LRIT3: variants seen among roughly 807,000 people sequenced by gnomAD.
The protein encoded by LRIT3 is leucine rich repeat, Ig-like and transmembrane domains 3, also known as leucine-rich repeat, immunoglobulin-like domain and transmembrane domain-containing protein 3.
Under a neutral mutation model 22.6 loss-of-function variants are expected in LRIT3, and 14 were observed. The ratio of observed to expected loss-of-function variants is 0.62; its 90% confidence interval spans 0.41 to 0.97. The LOEUF (loss-of-function observed/expected upper bound fraction) is 0.97, where lower values mean the gene tolerates loss of function less well. LRIT3 is among the 50% of genes least tolerant of loss of function. The pLI is 0.00. For missense variants in LRIT3, 783 were observed against 803.0 expected, an observed-to-expected ratio of 0.98 and a Z score of 0.30; for synonymous variants, 306 against 304.5, an observed-to-expected ratio of 1.01 and a Z score of -0.05.
chr4:109,869,931 ATCT>A lies in LRIT3; in HGVS notation c.1187_1189del (p.Ser396del), dbSNP rs794727660. On this transcript the variant is annotated inframe_deletion, in exon 4 of 4. Coordinates refer to ENST00000594814, the MANE Select transcript of LRIT3 (RefSeq NM_198506.5). Reference sequence around the variant, plus strand: ...TTTGGTCCTCTTCCTTCTCCCCCACATCTTCTTTTTCTGCTTCTACTTTGTCTC... The same window carrying A: ...TTTGGTCCTCTTCCTTCTCCCCCACATCTTTTTCTGCTTCTACTTTGTCTC... 0.036 allele frequency: 57,415 copies of A among 1,613,796 alleles called. 1,130 individuals are homozygous for A. Among genetic ancestry groups the A allele is most frequent in the Non-Finnish European group, 0.041 (48,729 of 1,179,880 alleles).
Position 109,870,364 on chromosome 4 carries a change from G to T in LRIT3, c.1615G>T (p.Val539Leu). ...GAATGCAGACTCCAGCAAGAACCAAGTAACCATAGATGGCTTGGAACCCGG... is the reference window on the plus strand; with the variant it reads ...GAATGCAGACTCCAGCAAGAACCAATTAACCATAGATGGCTTGGAACCCGG... ...LLNADSSKNQ[V>L]TIDGLEPGGQ... Residue 539 changes from valine to leucine, a missense_variant, in exon 4 of 4, where the codon GTA (valine) becomes TTA (leucine). Physicochemically the swap from Val to Leu is conservative, Grantham distance 32 (BLOSUM62 1). Around this residue, in one of 2 missense-constraint regions of LRIT3, gnomAD observed 756 missense variants for 753.8 expected, o/e 1.00. Coordinates refer to ENST00000594814, the MANE Select transcript of LRIT3 (RefSeq NM_198506.5). The T allele has an allele frequency of 1.2e-6, 2 of 1,614,200 alleles. No individual in the cohort carries two copies. The highest frequency in any genetic ancestry group is 1.7e-6 in the Non-Finnish European group (2 of 1,180,034).
Position 109,871,213 on chromosome 4 carries a change from GAC to G in LRIT3, c.*426_*427del, listed in dbSNP as rs1174574535. On this transcript the variant is annotated 3_prime_UTR_variant, in exon 4 of 4. Transcript: ENST00000594814. ...ATAGCATTTGCTGTGGATGTTTTCTGACATTGCCTAATGGAGAGCGTGGGATC... is the reference window on the plus strand; with the variant it reads ...ATAGCATTTGCTGTGGATGTTTTCTGATTGCCTAATGGAGAGCGTGGGATC... 6.5e-6 allele frequency: 1 copy of G among 154,854 alleles called. No individual in the cohort carries two copies. The highest frequency in any genetic ancestry group is 2.4e-5 in the African/African-American group (1 of 41,500). 9.6% of individuals were successfully genotyped at this position (154,854 alleles called of 1,614,324 possible). A position where few individuals can be genotyped will look rare whatever the true frequency, so the allele number is the denominator to read the frequency against.
rs768772325 is a variant in LRIT3 at position 109,869,777 on chromosome 4, T to C, written c.1028T>C (p.Val343Ala). 4.3e-6 allele frequency: 7 copies of C among 1,613,786 alleles called. No individual in the cohort carries two copies. The highest frequency in any genetic ancestry group is 5.9e-6 in the Non-Finnish European group (7 of 1,179,824). Residue 343 changes from valine to alanine, a missense_variant, in exon 4 of 4, where the codon GTG becomes GCG. Val to Ala is a moderately conservative substitution (Grantham distance 64). Coordinates refer to ENST00000594814, the MANE Select transcript of LRIT3 (RefSeq NM_198506.5). ...GGGATGTCAGAAGCTGTGGTTACTGTGACAGTGCTTGGCATTACCACAACT... is the reference window on the plus strand; with the variant it reads ...GGGATGTCAGAAGCTGTGGTTACTGCGACAGTGCTTGGCATTACCACAACT... Reference protein sequence around the residue: ...LAGMSEAVVTVTVLGITTTPI... With the variant: ...LAGMSEAVVTATVLGITTTPI...
Position 109,870,937 on chromosome 4 carries a change from G to T in LRIT3, c.*148G>T. The T allele has an allele frequency of 1.4e-6, 1 of 730,136 alleles. No individual in the cohort carries two copies. 45.2% of individuals were successfully genotyped at this position (730,136 alleles called of 1,614,324 possible). The stretch of plus-strand genomic sequence containing the variant: ...TTTAAGTATGTTTAAAAAATACCAT[G>T]AGACCTCTGAACTGAAAAGACAAAT... On this transcript the variant is annotated 3_prime_UTR_variant, in exon 4 of 4. Transcript: ENST00000594814.
In LRIT3 at chr4:109,861,819, C is replaced by T. The variant is rs182148435; in HGVS notation, c.590-5822C>T. 6.0e-4 allele frequency among the ~76,000 whole-genome samples: 92 copies of T among 152,186 alleles called. 1 individual carries two copies. Among genetic ancestry groups the T allele is most frequent in the African/African-American group, 2.2e-3 (90 of 41,542 alleles). Reference sequence around the variant, plus strand: ...TTGATTCATTAGTTTTTTCCTTTTACAGTTAGTGCTTTCTGTGTATCATCT... The same window carrying T: ...TTGATTCATTAGTTTTTTCCTTTTATAGTTAGTGCTTTCTGTGTATCATCT... On this transcript the variant is annotated intron_variant, in intron 2 of 3. Transcript: ENST00000594814.
chr4:109,865,230 TA>T, intron 2 of LRIT3: 2 of 1,537,646 alleles, frequency 1.3e-6, no homozygotes, highest in African/African-American at 2.7e-5. Context: ...GTCACAGAAT[TA>T]ACTAATGGTT....
Position 109,870,991 on chromosome 4 carries a change from A to C in LRIT3, c.*202A>C, listed in dbSNP as rs1677807693. On this transcript the variant is annotated 3_prime_UTR_variant, in exon 4 of 4. Transcript: ENST00000594814. ...GTTGATTTTTTTTCTTGTGTGGAAA[A>C]GGTCTACAGAAATAATTTTTAGAGT... is the stretch of plus-strand genomic sequence containing the variant. 2.2e-6 allele frequency: 1 copy of C among 448,186 alleles called. No individual in the cohort carries two copies. Among genetic ancestry groups the C allele is most frequent in the African/African-American group, 2.0e-5 (1 of 49,752 alleles). 27.8% of individuals were successfully genotyped at this position (448,186 alleles called of 1,614,324 possible). A position where few individuals can be genotyped will look rare whatever the true frequency, so the allele number is the denominator to read the frequency against.
chr4:109,870,701 C>T lies in LRIT3; in HGVS notation c.1952C>T (p.Ser651Leu). The T allele has an allele frequency of 1.2e-6, 2 of 1,614,114 alleles. No homozygotes were observed. Among genetic ancestry groups the T allele is most frequent in the Non-Finnish European group, 1.7e-6 (2 of 1,180,004 alleles). Residue 651 changes from serine to leucine, a missense_variant, in exon 4 of 4, where the codon TCA becomes TTA. Around this residue, in one of 2 missense-constraint regions of LRIT3, gnomAD observed 756 missense variants for 753.8 expected, o/e 1.00. Transcript: ENST00000594814. ...ELWTRSHRDD[S>L]EKLLLCSRSS... ...TGGACACGAAGCCACAGGGATGACTCAGAGAAATTGCTGCTTTGTTCTAGG... is the reference window on the plus strand; with the variant it reads ...TGGACACGAAGCCACAGGGATGACTTAGAGAAATTGCTGCTTTGTTCTAGG...
chr4:109,848,583 A>C (rs1340661294), intron 1 of LRIT3, among the ~76,000 whole-genome samples: 1 of 152,166 alleles, frequency 6.6e-6, no homozygotes, highest in Non-Finnish European at 1.5e-5. Context: ...TATTATGCTC[A>C]TGTTCACAAA....
intron 1 of LRIT3, 178 bp from the exon 2 acceptor site, chr4:109,851,326 A>G: frequency 1.3e-6 from 1 of 798,310 alleles, no homozygotes. Context: ...AGGAGGTGGC[A>G]AACCTTAGAC....
At chr4:109,859,032 T>C (rs1411506164) in intron 2 of LRIT3, among the ~76,000 whole-genome samples, 1 of 152,204 alleles carries the variant, frequency 6.6e-6, no homozygotes, top group Non-Finnish European at 1.5e-5. Flanking sequence ...AACTGTGACA[T>C]GCACATAAGC....
intron 2 of LRIT3, among the ~76,000 whole-genome samples, chr4:109,854,147 G>T (rs527707259): frequency 1.3e-5 from 2 of 152,178 alleles, no homozygotes; most frequent in East Asian, 3.9e-4. Flanking sequence ...GCTTGATGGG[G>T]TTAGCATTGA....
At chr4:109,857,413 T>A (rs977481694) in intron 2 of LRIT3, among the ~76,000 whole-genome samples, 2 of 152,236 alleles carry the variant, frequency 1.3e-5, no homozygotes, top group East Asian at 3.9e-4. Context: ...TGTGTGGAAA[T>A]AGTAGTGTAA....
rs1307472418 is a variant in LRIT3 at position 109,870,522 on chromosome 4, CTG to C, written c.1777_1778del (p.Val593CysfsTer19). ...SLLLVVTSTA[C>X]VVILPLICFL... ...TCCTTCTCGTGGTGACCAGTACTGC[CTG>C]TGTTGTTATCTTACCATTGATTTGT... On this transcript the variant is annotated frameshift_variant, in exon 4 of 4. Transcript: ENST00000594814. LOFTEE classifies it high-confidence loss of function. 6.2e-7 allele frequency: 1 copy of C among 1,614,080 alleles called. No homozygotes were observed. Among genetic ancestry groups the C allele is most frequent in the African/African-American group, 1.3e-5 (1 of 74,926 alleles).
At chr4:109,859,731 T>C (rs1182185729) in intron 2 of LRIT3, among the ~76,000 whole-genome samples, 1 of 152,150 alleles carries the variant, frequency 6.6e-6, no homozygotes, top group Non-Finnish European at 1.5e-5. Context: ...TTTTCTGGGA[T>C]AGGAATCTTA....
In LRIT3 at chr4:109,870,651, C is replaced by T. The variant is rs772194770; in HGVS notation, c.1902C>T (p.Pro634=). Residue 634 remains proline, a synonymous_variant, in exon 4 of 4, where the codon CCC becomes CCT. Coordinates refer to ENST00000594814, the MANE Select transcript of LRIT3 (RefSeq NM_198506.5). ...ETYIQFETLF[P]RSQSVGELWT... ...ATATCCAATTTGAGACCCTGTTTCC[C>T]AGGTCTCAAAGTGTAGGTGAGCTCT... 1 of 1,614,028 alleles carries T rather than the reference C, an allele frequency of 6.2e-7. No individual in the cohort carries two copies. Among genetic ancestry groups the T allele is most frequent in the South Asian group, 1.1e-5 (1 of 91,070 alleles).
Position 109,869,790 on chromosome 4 carries a change from C to A in LRIT3, c.1041C>A (p.Gly347=). 1 of 1,613,832 alleles carries A rather than the reference C, an allele frequency of 6.2e-7. No homozygotes were observed. Among genetic ancestry groups the A allele is most frequent in the East Asian group, 2.2e-5 (1 of 44,880 alleles). Residue 347 remains glycine, a synonymous_variant, in exon 4 of 4, where the codon GGC becomes GGA. Transcript: ENST00000594814. ...SEAVVTVTVL[G]ITTTPIPPDT... Reference sequence around the variant, plus strand: ...CTGTGGTTACTGTGACAGTGCTTGGCATTACCACAACTCCAATACCACCAG... The same window carrying A: ...CTGTGGTTACTGTGACAGTGCTTGGAATTACCACAACTCCAATACCACCAG...
At chr4:109,849,389 T>G (rs1053398037) in intron 1 of LRIT3, among the ~76,000 whole-genome samples, 3 of 152,194 alleles carry the variant, frequency 2.0e-5, no homozygotes, top group African/African-American at 7.2e-5. Context: ...GACCCCATTA[T>G]TGATGGATTT....
chr4:109,867,944 C>A lies in LRIT3; in HGVS notation c.893C>A (p.Thr298Lys), dbSNP rs1408611520. 6 of 1,604,826 alleles carry A rather than the reference C, an allele frequency of 3.7e-6. No homozygotes were observed. The highest frequency in any genetic ancestry group is 4.3e-6 in the Non-Finnish European group (5 of 1,174,116). Residue 298 changes from threonine (T) to lysine (K), a missense_variant and splice_region_variant, in exon 3 of 4, where the codon ACA becomes AAA. Coordinates refer to ENST00000594814, the MANE Select transcript of LRIT3 (RefSeq NM_198506.5). ...TCTGACAGCTCGCCAGTTAATTATA[C>A]AGGTATTTTCTTAATTCAGCCCCAT... ...TRSDSSPVNY[T>K]VIQESPEEGV...
Sources: gnomAD v4.1 joint callset for allele counts (sites outside exome capture counted in the v4.1 genomes callset) on GRCh38, gnomAD v4.1.1 for gene constraint, gnomAD v4.1.1 regional missense constraint, MANE v1.5 for transcripts, NCBI Gene and HGNC (gene_info 2026-07-23, HGNC 2026-07-21) for gene names.